The following CCDC68 variants were observed in gnomAD, a reference collection of about 807,000 sequenced individuals.
CCDC68 encodes the protein coiled-coil domain-containing protein 68.
CCDC68 carries 45 observed loss-of-function variants against 47.1 expected under a neutral mutation model. The ratio of observed to expected loss-of-function variants is 0.96; its 90% confidence interval spans 0.75 to 1.23. The LOEUF (loss-of-function observed/expected upper bound fraction) is 1.23. CCDC68 is among the 50% of genes most tolerant of loss of function. The probability of loss-of-function intolerance (pLI) is 0.00; values close to 1 mark genes in which losing one functional copy is unlikely to be tolerated. For synonymous variants in CCDC68, 131 were observed against 129.5 expected (o/e 1.01, Z -0.08); for missense variants, 353 against 373.6 (o/e 0.94, Z 0.45).
Position 54,903,001 on chromosome 18 carries a change from C to A in CCDC68, c.*1357G>T, listed in dbSNP as rs1913769336. ...CCCTAAATGTTAACAGATAAATATACCTTCAAAATAAGCAAGCAATAAAAA... is the reference window on the plus strand; with the variant it reads ...CCCTAAATGTTAACAGATAAATATAACTTCAAAATAAGCAAGCAATAAAAA... On this transcript the variant is annotated 3_prime_UTR_variant, in exon 12 of 12. Transcript: ENST00000591504. The A allele has an allele frequency of 6.6e-6, 1 of 152,076 alleles. No individual in the cohort carries two copies. The highest frequency in any genetic ancestry group is 2.1e-4 in the South Asian group (1 of 4,824). The allele number at this position is 152,076 out of a possible 1,614,324, so 9.4% of individuals were successfully genotyped here. A position where few individuals can be genotyped will look rare whatever the true frequency, so the allele number is the denominator to read the frequency against.
intron 10 of CCDC68, among the ~76,000 whole-genome samples, chr18:54,909,217 G>GTGGGTTGCACTTTA (rs1914195727): frequency 6.6e-6 from 1 of 152,138 alleles, no homozygotes; most frequent in Non-Finnish European, 1.5e-5. Context: ...TGAGTTGCCA[G>GTGGGTTGCACTTTA]TGGGTTGCAC....
intron 11 of CCDC68, among the ~76,000 whole-genome samples, chr18:54,906,463 G>A (rs1298901744): frequency 1.3e-5 from 2 of 152,116 alleles, no homozygotes; most frequent in African/African-American, 2.4e-5. Flanking sequence ...CAGAGTCTCA[G>A]CATTCAATAC....
At chr18:54,938,249 C>T (rs1397168687) in intron 4 of CCDC68, 152 bp from the exon 5 acceptor site, 1 of 660,128 alleles carries the variant, frequency 1.5e-6, no homozygotes, top group Non-Finnish European at 2.3e-6. Context: ...ATGGGAAATT[C>T]TAGATGAAGC....
intron 1 of CCDC68, among the ~76,000 whole-genome samples, chr18:54,949,294 T>A (rs2145627968): frequency 6.6e-6 from 1 of 152,288 alleles, no homozygotes; most frequent in East Asian, 1.9e-4. Flanking sequence ...CAGCACCCGG[T>A]CCCTAGAGCA....
At chr18:54,921,599 G>A (rs1473829017) in intron 8 of CCDC68, among the ~76,000 whole-genome samples, 1 of 152,218 alleles carries the variant, frequency 6.6e-6, no homozygotes, top group African/African-American at 2.4e-5. Flanking sequence ...GAAGGATGCA[G>A]AGAACAGAAA....
At chr18:54,945,133 AAG>A (rs773611794) in intron 2 of CCDC68, among the ~76,000 whole-genome samples, 1 of 152,166 alleles carries the variant, frequency 6.6e-6, no homozygotes, top group East Asian at 1.9e-4. Flanking sequence ...TTAAAACTCA[AAG>A]AGAGAGGTAA....
At chr18:54,940,043 T>C (rs2044410226) in intron 4 of CCDC68, among the ~76,000 whole-genome samples, 2 of 152,144 alleles carry the variant, frequency 1.3e-5, no homozygotes, top group African/African-American at 4.8e-5. Context: ...GGGATGGTTC[T>C]TCTTCCTGAT....
intron 4 of CCDC68, among the ~76,000 whole-genome samples, chr18:54,940,703 C>T (rs530327998): frequency 5.9e-5 from 9 of 152,350 alleles, no homozygotes; most frequent in African/African-American, 1.9e-4. Flanking sequence ...TCTAAAAGCT[C>T]TGCCTGTCAT....
At position 54,940,999 on chromosome 18, in the gene CCDC68, T is replaced by A; in HGVS notation, c.202A>T (p.Lys68Ter). The change falls in exon 4 of 12, where the codon AAG becomes TAG. Residue 68 changes from lysine to a stop codon, truncating the protein, a stop_gained and splice_region_variant. Transcript: ENST00000591504. LOFTEE classifies it high-confidence loss of function. ...AATCTTCTGCAGGAAATTATTACCT[T>A]TGCATCTAGTTTGTGATTTGTACTG... ...HDSTNHKLDA[K>*]HCGNLQQGSD... 6.2e-7 allele frequency: 1 copy of A among 1,600,196 alleles called. No homozygotes were observed. Among genetic ancestry groups the A allele is most frequent in the Non-Finnish European group, 8.6e-7 (1 of 1,168,138 alleles).
At chr18:54,957,458 ATT>A (rs1240022853) in intron 1 of CCDC68, among the ~76,000 whole-genome samples, 1 of 152,166 alleles carries the variant, frequency 6.6e-6, no homozygotes, top group Non-Finnish European at 1.5e-5. Context: ...AATGTGTCTG[ATT>A]TACACAGGGC....
intron 8 of CCDC68, among the ~76,000 whole-genome samples, chr18:54,921,354 T>G (rs2044057225): frequency 6.6e-6 from 1 of 152,024 alleles, no homozygotes; most frequent in Non-Finnish European, 1.5e-5. Context: ...AAAGTTGAAA[T>G]TAAAACAAAA....
chr18:54,915,051 CT>C (rs914629468), intron 10 of CCDC68, among the ~76,000 whole-genome samples: 3 of 152,184 alleles, frequency 2.0e-5, no homozygotes, highest in African/African-American at 7.2e-5. Context: ...AGAATGGGCA[CT>C]TAATTAGATA....
chr18:54,946,221 T>C (rs1599091230), intron 1 of CCDC68, among the ~76,000 whole-genome samples: 1 of 152,264 alleles, frequency 6.6e-6, no homozygotes, highest in Non-Finnish European at 1.5e-5. Flanking sequence ...TTCATGTACA[T>C]ATCTTTTATG....
rs536071906 is a variant in CCDC68, at chr18:54,948,611, C to T, written c.-102-3134G>A. 2.6e-5 allele frequency among the ~76,000 whole-genome samples: 4 copies of T among 152,276 alleles called. No individual in the cohort carries two copies. In the East Asian group the frequency reaches 7.7e-4, roughly 29 times the overall value. On this transcript the variant is annotated intron_variant, in intron 1 of 11. Transcript: ENST00000591504. ...TCCTTTCTTTACTTAACTCTTGATTCATTTATTGAGAGAGTAAATATTTAC... is the reference window on the plus strand; with the variant it reads ...TCCTTTCTTTACTTAACTCTTGATTTATTTATTGAGAGAGTAAATATTTAC...
intron 8 of CCDC68, among the ~76,000 whole-genome samples, chr18:54,923,839 G>A (rs939572705): frequency 2.0e-5 from 3 of 151,984 alleles, no homozygotes; most frequent in Admixed American, 1.3e-4. Context: ...AGCCTCTTGA[G>A]TAGCTGGGAA....
intron 1 of CCDC68, among the ~76,000 whole-genome samples, chr18:54,956,927 TA>T (rs912742847): frequency 3.0e-4 from 45 of 151,374 alleles, no homozygotes; most frequent in African/African-American, 3.6e-4. Flanking sequence ...AAAGCTTTTT[TA>T]AAAAAAAATA....
intron 11 of CCDC68, 133 bp from the exon 12 acceptor site, chr18:54,904,548 G>A (rs945614934): frequency 1.5e-6 from 1 of 685,444 alleles, no homozygotes; most frequent in South Asian, 1.9e-5. Context: ...TAAGAGATGT[G>A]TTAATAGATG....
intron 8 of CCDC68, among the ~76,000 whole-genome samples, chr18:54,925,783 T>G (rs1252937140): frequency 1.3e-5 from 2 of 152,066 alleles, no homozygotes; most frequent in African/African-American, 4.8e-5. Flanking sequence ...TCACTGACTA[T>G]GGGCCCCCAG....
chr18:54,916,643 G>T (rs1471702538), intron 10 of CCDC68, among the ~76,000 whole-genome samples: 1 of 152,148 alleles, frequency 6.6e-6, no homozygotes, highest in Non-Finnish European at 1.5e-5. Context: ...AGGTGGAGGT[G>T]CTGTGGGGTC....
Sources: gnomAD v4.1 joint callset for allele counts (sites outside exome capture counted in the v4.1 genomes callset) on GRCh38, gnomAD v4.1.1 for gene constraint, MANE v1.5 for transcripts, NCBI Gene and HGNC (gene_info 2026-07-23, HGNC 2026-07-21) for gene names.